Variants in RNMT observed in about 807,000 individuals in gnomAD.
RNMT encodes the protein RNA guanine-7 methyltransferase.
A neutral mutation model predicts 56.0 loss-of-function variants in RNMT; 27 were observed. The ratio of observed to expected loss-of-function variants is 0.48; its 90% confidence interval spans 0.36 to 0.67. The LOEUF (loss-of-function observed/expected upper bound fraction) is 0.67. Ranked by LOEUF, RNMT falls within the 30% of genes least tolerant of loss-of-function variation. The probability of loss-of-function intolerance (pLI) is 0.00; values close to 1 mark genes in which losing one functional copy is unlikely to be tolerated. For synonymous variants in RNMT, 184 were observed against 176.2 expected (o/e 1.04, Z -0.35); for missense variants, 519 against 552.1 (o/e 0.94, Z 0.60).
At chr18:13,752,180 G>T in intron 9 of RNMT, 146 bp from the exon 10 acceptor site, 56 of 560,366 alleles carry the variant, frequency 1.0e-4, no homozygotes, top group African/African-American at 1.5e-4. Context: ...ATTTTTTTCT[G>T]TATTTCAAAA....
chr18:13,745,009 G>A (rs1384512627), intron 8 of RNMT, among the ~76,000 whole-genome samples: 3 of 152,186 alleles, frequency 2.0e-5, no homozygotes, highest in South Asian at 4.1e-4. Context: ...AAAAGTAGGT[G>A]GGCAGCTGAG....
Position 13,761,778 on chromosome 18 carries a change from G to A in RNMT, c.*1799G>A. The A allele has an allele frequency of 8.0e-7, 1 of 1,251,354 alleles. No individual in the cohort carries two copies. The highest frequency in any genetic ancestry group is 3.9e-5 in the Admixed American group (1 of 25,958). The allele number at this position is 1,251,354 out of a possible 1,614,324, so 77.5% of individuals were successfully genotyped here. A position where few individuals can be genotyped will look rare whatever the true frequency, so the allele number is the denominator to read the frequency against. ...CCACACCTGCAGGCGCTGTGTTCAG[G>A]CACCACCTTCCTCCTTGAGCTTTGC... On this transcript the variant is annotated 3_prime_UTR_variant, in exon 12 of 12. Coordinates refer to ENST00000383314, the MANE Select transcript of RNMT (RefSeq NM_003799.3).
chr18:13,740,049 TA>T, intron 5 of RNMT, 117 bp from the exon 6 acceptor site: 1 of 667,490 alleles, frequency 1.5e-6, no homozygotes. Flanking sequence ...TTAAAGGAAA[TA>T]AAACCTTTTC....
chr18:13,741,229 G>A (rs1240793559), intron 6 of RNMT, among the ~76,000 whole-genome samples: 1 of 152,158 alleles, frequency 6.6e-6, no homozygotes, highest in African/African-American at 2.4e-5. Context: ...TATTTTAGCT[G>A]TCAAGTAAAG....
At chr18:13,734,141 G>T (rs1044046358) in intron 3 of RNMT, among the ~76,000 whole-genome samples, 2 of 152,142 alleles carry the variant, frequency 1.3e-5, no homozygotes, top group Non-Finnish European at 2.9e-5. Context: ...CGCCATGTAA[G>T]ACCTGCCTTT....
chr18:13,742,815 GACTAGCTTC>G, intron 8 of RNMT, 163 bp downstream of exon 8: 1 of 543,434 alleles, frequency 1.8e-6, no homozygotes, highest in Non-Finnish European at 3.1e-6. Flanking sequence ...AACAAAACAA[GACTAGCTTC>G]ACATCTAGGG....
intron 8 of RNMT, among the ~76,000 whole-genome samples, chr18:13,744,362 A>G (rs2044316788): frequency 6.6e-6 from 1 of 152,020 alleles, no homozygotes; most frequent in Admixed American, 6.5e-5. Context: ...TTTGTGTGGC[A>G]AAACTTATTC....
chr18:13,753,851 A>AC (rs57946366), intron 10 of RNMT, among the ~76,000 whole-genome samples: 28 of 148,830 alleles, frequency 1.9e-4, no homozygotes, highest in Admixed American at 7.4e-4. Flanking sequence ...ACACACACAC[A>AC]ATGCCCTCTT....
At chr18:13,740,075 T>C (rs997520078) in intron 5 of RNMT, 92 bp from the exon 6 acceptor site, 1 of 785,740 alleles carries the variant, frequency 1.3e-6, no homozygotes, top group South Asian at 1.5e-5. Context: ...GTACTAAGGC[T>C]GACTTTTATG....
chr18:13,728,488 A>G (rs1019341690), intron 1 of RNMT, among the ~76,000 whole-genome samples: 1 of 151,572 alleles, frequency 6.6e-6, no homozygotes, highest in African/African-American at 2.4e-5. Context: ...GGCGCACATC[A>G]CCATGCCCGG....
chr18:13,746,357 G>A lies in RNMT; in HGVS notation c.1257+20G>A. On this transcript the variant is annotated intron_variant, in intron 9 of 11. Coordinates refer to ENST00000383314, the MANE Select transcript of RNMT (RefSeq NM_003799.3). ...TTGGAGGTGAGTATTTAGAAAAGAT[G>A]TACAAATTTCAGTCATGGTGAACTT... The A allele has an allele frequency of 1.5e-6, 2 of 1,353,796 alleles. No homozygotes were observed. The highest frequency in any genetic ancestry group is 2.1e-6 in the Non-Finnish European group (2 of 957,580). The allele number at this position is 1,353,796 out of a possible 1,614,324, so 83.9% of individuals were successfully genotyped here.
intron 11 of RNMT, among the ~76,000 whole-genome samples, chr18:13,758,490 A>G (rs895072805): frequency 3.3e-5 from 5 of 152,196 alleles, no homozygotes; most frequent in Non-Finnish European, 5.9e-5. Flanking sequence ...CTTTCCTTAA[A>G]CGTCCTGAAC....
At chr18:13,727,879 CATA>C (rs2043989407) in intron 1 of RNMT, among the ~76,000 whole-genome samples, 1 of 152,204 alleles carries the variant, frequency 6.6e-6, no homozygotes, top group Admixed American at 6.5e-5. Context: ...TTTCAGTTAA[CATA>C]ATGACATCCG....
chr18:13,731,748 T>G lies in RNMT; in HGVS notation c.231T>G (p.Thr77=). ...AAAGTTCTAGTTGTGGGAAAGACAC[T>G]CCATCCAAGAAGAGAAAACTTGATC... The part of the protein sequence containing the change: ...VKESSSCGKD[T]PSKKRKLDPE... The change falls in exon 3 of 12, where the codon ACT becomes ACG. Residue 77 remains threonine (T), a synonymous_variant. Coordinates refer to ENST00000383314, the MANE Select transcript of RNMT (RefSeq NM_003799.3). 6.2e-7 allele frequency: 1 copy of G among 1,612,950 alleles called. No homozygotes were observed. Among genetic ancestry groups the G allele is most frequent in the Non-Finnish European group, 8.5e-7 (1 of 1,179,794 alleles).
At chr18:13,743,785 C>T (rs954898408) in intron 8 of RNMT, among the ~76,000 whole-genome samples, 1 of 151,624 alleles carries the variant, frequency 6.6e-6, no homozygotes, top group African/African-American at 2.4e-5. Context: ...TTAATTGTAA[C>T]TCAGTCAGTC....
chr18:13,730,837 G>T (rs1298222887), intron 2 of RNMT, 82 bp downstream of exon 2: 1 of 152,282 alleles, frequency 6.6e-6, no homozygotes, highest in South Asian at 2.1e-4. Flanking sequence ...ATTAGGTTCT[G>T]TGGTGCCTGT....
intron 5 of RNMT, 94 bp from the exon 6 acceptor site, chr18:13,740,073 G>T: frequency 1.3e-6 from 1 of 773,022 alleles, no homozygotes. Flanking sequence ...TGGTACTAAG[G>T]CTGACTTTTA....
At chr18:13,753,795 AAGAT>A (rs1269898705) in intron 10 of RNMT, among the ~76,000 whole-genome samples, 1 of 143,104 alleles carries the variant, frequency 7.0e-6, no homozygotes, top group Non-Finnish European at 1.5e-5. Context: ...AAAATAATAC[AAGAT>A]AGATGCATTT....
chr18:13,754,164 C>A lies in RNMT; in HGVS notation c.1393+17C>A, dbSNP rs747371694. ...AAGCTACAAGTGAGTATATCATCAG[C>A]ATAGATTAACTGATAATTTCAAAAG... On this transcript the variant is annotated intron_variant, in intron 11 of 11. Coordinates refer to ENST00000383314, the MANE Select transcript of RNMT (RefSeq NM_003799.3). 3 of 1,510,694 alleles carry A rather than the reference C, an allele frequency of 2.0e-6. No homozygotes were observed. The highest frequency in any genetic ancestry group is 1.8e-6 in the Non-Finnish European group (2 of 1,090,948). The allele number at this position is 1,510,694 out of a possible 1,614,324, so 93.6% of individuals were successfully genotyped here. A position where few individuals can be genotyped will look rare whatever the true frequency, so the allele number is the denominator to read the frequency against.
Sources: gnomAD v4.1 joint callset for allele counts (sites outside exome capture counted in the v4.1 genomes callset) on GRCh38, gnomAD v4.1.1 for gene constraint, MANE v1.5 for transcripts, NCBI Gene and HGNC (gene_info 2026-07-23, HGNC 2026-07-21) for gene names.